Variants in CTBP1 observed in about 807,000 individuals in gnomAD.
CTBP1 encodes the protein C-terminal-binding protein 1.
Under a neutral mutation model 42.1 loss-of-function variants are expected in CTBP1, and 11 were observed. That is an observed-to-expected ratio of 0.26 (90% CI 0.16 to 0.43). CTBP1 has a LOEUF of 0.43. Among genes scored for constraint, CTBP1 ranks in the 20% least tolerant of loss-of-function variants. CTBP1 has a pLI of 1.00. For missense variants in CTBP1, 399 were observed against 624.3 expected (o/e 0.64, Z 3.85); for synonymous variants, 324 against 277.1 (o/e 1.17, Z -1.68).
intron 3 of CTBP1, among the ~76,000 whole-genome samples, chr4:1,230,242 G>C (rs1186664597): frequency 6.6e-6 from 1 of 152,208 alleles, no homozygotes; most frequent in Non-Finnish European, 1.5e-5. Context: ...AGGACAGCAT[G>C]GGCAGGCAGA....
Position 1,235,949 on chromosome 4 carries a change from G to A in CTBP1, c.162+2234C>T, listed in dbSNP as rs1253706407. On this transcript the variant is annotated intron_variant, in intron 3 of 9. Coordinates refer to ENST00000382952, the MANE Select transcript of CTBP1 (RefSeq NM_001012614.2). The surrounding 1 kb of genome is among the most constrained non-coding windows in gnomAD (Gnocchi z 4.2). ...AAGGTTTCCTGGACATCAGCAGGCT[G>A]GGTGCCGATCGTGTGGCGCGTCAGA... The A allele has an allele frequency of 1.3e-5, 2 of 152,368 alleles. No homozygotes were observed. The highest frequency in any genetic ancestry group is 3.9e-4 in the East Asian group (2 of 5,164). The allele number at this position is 152,368 out of a possible 1,614,324, so 9.4% of individuals were successfully genotyped here. A position where few individuals can be genotyped will look rare whatever the true frequency, so the allele number is the denominator to read the frequency against.
intron 3 of CTBP1, among the ~76,000 whole-genome samples, chr4:1,232,444 T>C (rs975948071): frequency 1.3e-5 from 2 of 152,158 alleles, no homozygotes; most frequent in Admixed American, 1.3e-4. Flanking sequence ...CCTGAGTATC[T>C]TGGACTACAG....
At chr4:1,241,278 G>C (rs1732150670) in intron 2 of CTBP1, 47 bp downstream of exon 2, 1 of 788,144 alleles carries the variant, frequency 1.3e-6, no homozygotes, top group Middle Eastern at 2.3e-4. Flanking sequence ...GTCGCAAAGA[G>C]ACCGGCCGGC....
At chr4:1,236,507 G>C in intron 3 of CTBP1, 1 of 597,840 alleles carries the variant, frequency 1.7e-6, no homozygotes, top group Non-Finnish European at 3.0e-6. Flanking sequence ...AACTGAAAAT[G>C]AATCAAGAAG....
chr4:1,232,469 G>A (rs1333165091), intron 3 of CTBP1, among the ~76,000 whole-genome samples: 2 of 151,794 alleles, frequency 1.3e-5, no homozygotes, highest in African/African-American at 2.4e-5. Flanking sequence ...GCACCACCAC[G>A]CGTGGCTAAT....
intron 3 of CTBP1, among the ~76,000 whole-genome samples, chr4:1,229,284 C>T (rs1730716261): frequency 6.6e-6 from 1 of 152,220 alleles, no homozygotes; most frequent in African/African-American, 2.4e-5. Flanking sequence ...CCTGCGCATC[C>T]ACCCACACCC....
chr4:1,218,482 A>G (rs910765946), intron 5 of CTBP1: 11 of 152,132 alleles, frequency 7.2e-5, no homozygotes, highest in Admixed American at 6.5e-4. Context: ...CATTTCTAAG[A>G]CAGTCTTTAG....
At chr4:1,223,381 C>T (rs576450417) in intron 5 of CTBP1, 4 of 452,738 alleles carry the variant, frequency 8.8e-6, no homozygotes, top group East Asian at 1.4e-4. Flanking sequence ...GAGACAGGCA[C>T]GTGTTCCATG....
rs1045369986 is a variant in CTBP1, at chr4:1,211,586, C to T, written c.*654G>A. 1.0e-4 allele frequency: 16 copies of T among 152,588 alleles called. No homozygotes were observed. Among genetic ancestry groups the T allele is most frequent in the African/African-American group, 2.9e-4 (12 of 41,588 alleles). The allele number at this position is 152,588 out of a possible 1,614,324, so 9.5% of individuals were successfully genotyped here. A position where few individuals can be genotyped will look rare whatever the true frequency, so the allele number is the denominator to read the frequency against. ...CAGGCGGGGACGCTGCCACCCTCCA[C>T]GTCCCCAGGACAGACGTCGATGGGC... On this transcript the variant is annotated 3_prime_UTR_variant, in exon 10 of 10. Transcript: ENST00000382952.
At chr4:1,237,058 A>G in intron 3 of CTBP1, 2 of 613,648 alleles carry the variant, frequency 3.3e-6, no homozygotes, top group Non-Finnish European at 5.9e-6. Context: ...GGACAAACCG[A>G]GTGTGGGGCT....
chr4:1,235,646 G>A lies in CTBP1; in HGVS notation c.162+2537C>T, dbSNP rs1291761990. On this transcript the variant is annotated intron_variant, in intron 3 of 9. Coordinates refer to ENST00000382952, the MANE Select transcript of CTBP1 (RefSeq NM_001012614.2). The surrounding 1 kb of genome is among the most constrained non-coding windows in gnomAD (Gnocchi z 4.2). ...CCAGAGTCATCAGCTCTTCGTCGGTGTCTGGCCCAGCCTCCTGGGGGCTGG... is the reference window on the plus strand; with the variant it reads ...CCAGAGTCATCAGCTCTTCGTCGGTATCTGGCCCAGCCTCCTGGGGGCTGG... The A allele has an allele frequency of 6.6e-6, 1 of 152,216 alleles. No homozygotes were observed. The highest frequency in any genetic ancestry group is 2.4e-5 in the African/African-American group (1 of 41,446). The allele number at this position is 152,216 out of a possible 1,614,324, so 9.4% of individuals were successfully genotyped here.
intron 5 of CTBP1, among the ~76,000 whole-genome samples, chr4:1,223,025 C>T (rs1322160654): frequency 2.0e-5 from 3 of 152,172 alleles, no homozygotes; most frequent in Non-Finnish European, 4.4e-5. Flanking sequence ...AGGCAAGGCA[C>T]ACATGAGGCG....
chr4:1,221,795 G>A (rs1042443290), intron 5 of CTBP1: 16 of 446,096 alleles, frequency 3.6e-5, no homozygotes, highest in Admixed American at 7.3e-5. Flanking sequence ...TCAACGTGCT[G>A]GTGGGTTCAT....
At chr4:1,244,212 G>C in intron 1 of CTBP1, 1 of 985,212 alleles carries the variant, frequency 1.0e-6, no homozygotes, top group African/African-American at 1.7e-5. Context: ...GGCCACGCCT[G>C]CCCACTCCGC....
chr4:1,230,940 G>A (rs1247287188), intron 3 of CTBP1, among the ~76,000 whole-genome samples: 2 of 152,234 alleles, frequency 1.3e-5, no homozygotes, highest in African/African-American at 4.8e-5. Flanking sequence ...CCTCCCCGAC[G>A]AGGCTTTCAT....
chr4:1,248,271 C>A (rs1333483941), intron 1 of CTBP1, among the ~76,000 whole-genome samples: 1 of 151,872 alleles, frequency 6.6e-6, no homozygotes, highest in Non-Finnish European at 1.5e-5. Flanking sequence ...GCGGAGTTCG[C>A]GGGAACGGAG....
chr4:1,212,183 G>T lies in CTBP1; in HGVS notation c.*57C>A. 2 of 1,358,660 alleles carry T rather than the reference G, an allele frequency of 1.5e-6. No homozygotes were observed. Among genetic ancestry groups the T allele is most frequent in the Non-Finnish European group, 1.9e-6 (2 of 1,037,054 alleles). 84.2% of individuals were successfully genotyped at this position (1,358,660 alleles called of 1,614,324 possible). The stretch of plus-strand genomic sequence containing the variant: ...ACAGATGCCTCCTCCACACACTCTG[G>T]TCCGAGGGTTTCCGGGCCCTCTGCC... On this transcript the variant is annotated 3_prime_UTR_variant, in exon 10 of 10. Coordinates refer to ENST00000382952, the MANE Select transcript of CTBP1 (RefSeq NM_001012614.2).
chr4:1,225,238 G>A, intron 5 of CTBP1, 122 bp downstream of exon 5: 1 of 1,193,864 alleles, frequency 8.4e-7, no homozygotes, highest in Non-Finnish European at 1.2e-6. Flanking sequence ...GTCCTGTCCT[G>A]GGTTGGGACC....
rs376760770 is a variant in CTBP1, at chr4:1,243,918, T to A, written c.-188-2399A>T. ...CACCCTGCAGACGCTTAACCTCATG[T>A]TGTAAGAAAGCACTCAAGGGACCCA... On this transcript the variant is annotated intron_variant, in intron 1 of 9. Transcript: ENST00000382952. The A allele has an allele frequency of 9.0e-5, 89 of 985,412 alleles. 2 individuals are homozygous for A. The African/African-American group carries it at 1.5e-3, about 16-fold the overall frequency. 61.0% of individuals were successfully genotyped at this position (985,412 alleles called of 1,614,324 possible). A position where few individuals can be genotyped will look rare whatever the true frequency, so the allele number is the denominator to read the frequency against.
Sources: allele counts gnomAD v4.1 joint callset (sites outside exome capture counted in the v4.1 genomes callset), GRCh38; gene constraint gnomAD v4.1.1; non-coding constraint Gnocchi (gnomAD v3.1); transcripts MANE v1.5; gene names NCBI Gene and HGNC (gene_info 2026-07-23, HGNC 2026-07-21).